PHF12: variants seen among roughly 807,000 people sequenced by gnomAD.
PHF12 encodes the protein PHD finger protein 12, also known as PHD factor 1.
Under a neutral mutation model 99.8 loss-of-function variants are expected in PHF12, and 6 were observed. The ratio of observed to expected loss-of-function variants is 0.06; its 90% CI spans 0.03 to 0.12. PHF12 has a LOEUF of 0.12. PHF12 is among the 10% of genes least tolerant of loss of function. The pLI is 1.00. For synonymous variants in PHF12, 480 were observed against 514.9 expected (o/e 0.93, Z 0.92); for missense variants, 954 against 1,300.1 (o/e 0.73, Z 4.09).
chr17:28,920,090 G>A (rs1207168263), intron 5 of PHF12, among the ~76,000 whole-genome samples: 1 of 152,178 alleles, frequency 6.6e-6, no homozygotes, highest in East Asian at 1.9e-4. Context: ...CTGGAAAGAT[G>A]ATTTTGTAAT....
chr17:28,912,887 G>T lies in PHF12; in HGVS notation c.1684C>A (p.Pro562Thr). Reference sequence around the variant, plus strand: ...GTGTTAGCGCCTGGAAGTCGCCGGGGGTCCGTGGAATCAGTAGGGCTGCTG... The same window carrying T: ...GTGTTAGCGCCTGGAAGTCGCCGGGTGTCCGTGGAATCAGTAGGGCTGCTG... Reference protein sequence around the residue: ...LYSSPTDSTDPRRLPGANTPL... With the variant: ...LYSSPTDSTDTRRLPGANTPL... The change falls in exon 9 of 15, where the codon CCC (proline) becomes ACC (threonine). Residue 562 changes from proline to threonine, a missense_variant. By Grantham distance (38) the Pro-to-Thr change is conservative (BLOSUM62 -1). Coordinates refer to ENST00000332830, the MANE Select transcript of PHF12 (RefSeq NM_001033561.2). 1 of 1,613,082 alleles carries T rather than the reference G, an allele frequency of 6.2e-7. No homozygotes were observed. The highest frequency in any genetic ancestry group is 8.5e-7 in the Non-Finnish European group (1 of 1,179,140).
rs980166773 is a variant in PHF12 at position 28,905,863 on chromosome 17, G to A, written c.*320C>T. The A allele has an allele frequency of 4.7e-5, 12 of 256,322 alleles. No individual in the cohort carries two copies. Among genetic ancestry groups the A allele is most frequent in the Non-Finnish European group, 8.8e-5 (12 of 136,482 alleles). The allele number at this position is 256,322 out of a possible 1,614,324, so 15.9% of individuals were successfully genotyped here. A position where few individuals can be genotyped will look rare whatever the true frequency, so the allele number is the denominator to read the frequency against. ...GGGCGAGGGGGAGGGAGCAGGAGGT[G>A]GGTGGGGAAGGGTTTTGTGTTGGAG... is the stretch of plus-strand genomic sequence containing the variant. On this transcript the variant is annotated 3_prime_UTR_variant, in exon 15 of 15. Transcript: ENST00000332830.
At chr17:28,932,340 G>A (rs1329083597) in intron 2 of PHF12, among the ~76,000 whole-genome samples, 1 of 152,052 alleles carries the variant, frequency 6.6e-6, no homozygotes, top group Non-Finnish European at 1.5e-5. Flanking sequence ...CTATGTTGCC[G>A]AAGGCTGGGT....
In PHF12 at chr17:28,916,840, A is replaced by C. The variant is rs569083297; in HGVS notation, c.1134+445T>G. On this transcript the variant is annotated intron_variant, in intron 7 of 14. Transcript: ENST00000332830. ...ACAGCAGCCTGGAAAAATAGATTCA[A>C]GTTTCCTTTAGATATTTTCCACTTA... 7.9e-5 allele frequency among the ~76,000 whole-genome samples: 12 copies of C among 152,334 alleles called. No homozygotes were observed. In the East Asian group the frequency reaches 2.3e-3, roughly 29 times the overall value.
intron 2 of PHF12, among the ~76,000 whole-genome samples, chr17:28,933,945 G>C (rs1391507705): frequency 6.6e-6 from 1 of 152,094 alleles, no homozygotes; most frequent in East Asian, 1.9e-4. Context: ...TACTTGGGAG[G>C]CTGAGGCAGG....
intron 2 of PHF12, among the ~76,000 whole-genome samples, chr17:28,939,584 G>A (rs757099925): frequency 2.6e-5 from 4 of 152,238 alleles, no homozygotes; most frequent in Non-Finnish European, 4.4e-5. Flanking sequence ...GAGCCTAGGG[G>A]TAGTGGAAAG....
chr17:28,941,416 T>C (rs1482011352), intron 2 of PHF12, among the ~76,000 whole-genome samples: 3 of 152,206 alleles, frequency 2.0e-5, no homozygotes. Flanking sequence ...TTATGAGCCA[T>C]ATAAAACTGT....
In PHF12 at chr17:28,911,045, G is replaced by GA. The variant is rs2039950429; in HGVS notation, c.2215+66dup. 1.9e-6 allele frequency: 3 copies of GA among 1,600,660 alleles called. No homozygotes were observed. In the East Asian group the frequency reaches 6.7e-5, roughly 36 times the overall value. ...CTTCCCTCCCTTTCTGAAATGAGCT[G>GA]AATGCTGTATAGGAATAGCACCTTC... On this transcript the variant is annotated intron_variant, in intron 10 of 14. Coordinates refer to ENST00000332830, the MANE Select transcript of PHF12 (RefSeq NM_001033561.2).
chr17:28,944,653 GA>G (rs539349085), intron 2 of PHF12: 2 of 273,204 alleles, frequency 7.3e-6, no homozygotes, highest in Non-Finnish European at 1.1e-5. Flanking sequence ...TCTCAAAAAA[GA>G]AAAAAAACAA....
intron 3 of PHF12, 31 bp downstream of exon 3, chr17:28,926,960 C>T: frequency 6.2e-7 from 1 of 1,612,616 alleles, no homozygotes; most frequent in Non-Finnish European, 8.5e-7. Context: ...ATCAGGCTTT[C>T]TGGACAGTCT....
intron 2 of PHF12, among the ~76,000 whole-genome samples, chr17:28,942,022 A>AT (rs1336305405): frequency 6.6e-6 from 1 of 152,152 alleles, no homozygotes; most frequent in South Asian, 2.1e-4. Flanking sequence ...CAGATGGTGG[A>AT]TTTTTTGTAC....
Position 28,906,508 on chromosome 17 carries a change from C to A in PHF12, c.2690G>T (p.Arg897Leu). 1.9e-6 allele frequency: 3 copies of A among 1,598,216 alleles called. No individual in the cohort carries two copies. The highest frequency in any genetic ancestry group is 2.6e-6 in the Non-Finnish European group (3 of 1,168,418). ...TGGCTCTTCGTCCTGTTTCTGGTGC[C>A]GGCGGCGCCCTGGGAAAAAGGGGGA... is the stretch of plus-strand genomic sequence containing the variant. ...AKVQSVIRRR[R>L]HQKQDEEPSE... Residue 897 changes from arginine (R) to leucine (L), a missense_variant, in exon 15 of 15, where the codon CGG becomes CTG. Coordinates refer to ENST00000332830, the MANE Select transcript of PHF12 (RefSeq NM_001033561.2). The surrounding 1 kb of genome is among the most constrained non-coding windows in gnomAD (Gnocchi z 4.2).
intron 4 of PHF12, 116 bp downstream of exon 4, chr17:28,923,793 A>T (rs2040214160): frequency 2.3e-6 from 3 of 1,286,044 alleles, no homozygotes; most frequent in Non-Finnish European, 3.2e-6. Flanking sequence ...CAGAACTAGG[A>T]ACAGGAACCC....
At chr17:28,921,490 G>A (rs1038588112) in intron 5 of PHF12, among the ~76,000 whole-genome samples, 198 bp downstream of exon 5, 4 of 152,130 alleles carry the variant, frequency 2.6e-5, no homozygotes, top group African/African-American at 4.8e-5. Context: ...CAGTACTCCT[G>A]TACTGTGATT....
At chr17:28,934,092 A>G (rs576990788) in intron 2 of PHF12, among the ~76,000 whole-genome samples, 3 of 152,290 alleles carry the variant, frequency 2.0e-5, no homozygotes, top group Admixed American at 2.0e-4. Context: ...TCATCCATCC[A>G]CTCAAAAATT....
chr17:28,951,382 G>A lies in PHF12; in HGVS notation c.-422C>T. On this transcript the variant is annotated 5_prime_UTR_variant, in exon 1 of 15. Transcript: ENST00000332830. ...TGGTACGTGAGGTGACTGGGGGGAG[G>A]GTGATGGGGGGTGGTCCCCGGGCTC... 2 of 986,608 alleles carry A rather than the reference G, an allele frequency of 2.0e-6. No individual in the cohort carries two copies. Among genetic ancestry groups the A allele is most frequent in the Non-Finnish European group, 2.4e-6 (2 of 829,686 alleles). The allele number at this position is 986,608 out of a possible 1,614,324, so 61.1% of individuals were successfully genotyped here. A position where few individuals can be genotyped will look rare whatever the true frequency, so the allele number is the denominator to read the frequency against.
rs2039974255 is a variant in PHF12 at position 28,912,339 on chromosome 17, A to G, written c.2089+143T>C. 8 of 1,409,096 alleles carry G rather than the reference A, an allele frequency of 5.7e-6. 1 individual carries two copies. The South Asian group carries it at 1.3e-4, about 24-fold the overall frequency. The allele number at this position is 1,409,096 out of a possible 1,614,324, so 87.3% of individuals were successfully genotyped here. On this transcript the variant is annotated intron_variant, in intron 9 of 14. Coordinates refer to ENST00000332830, the MANE Select transcript of PHF12 (RefSeq NM_001033561.2). The stretch of plus-strand genomic sequence containing the variant: ...CAAGTTAACATGTGCTTCCTCTTCT[A>G]TTACGGAAATGAGAGTAAGACAAAC...
At chr17:28,909,915 T>C (rs1453752967) in intron 11 of PHF12, 1 of 605,180 alleles carries the variant, frequency 1.7e-6, no homozygotes, top group Non-Finnish European at 2.9e-6. Flanking sequence ...ATTCAAATAT[T>C]TGAAAGCAAG....
intron 5 of PHF12, among the ~76,000 whole-genome samples, chr17:28,921,185 CTTGTTT>C (rs2040157113): frequency 6.7e-6 from 1 of 149,748 alleles, no homozygotes; most frequent in Non-Finnish European, 1.5e-5. Context: ...CGCCCGGCCC[CTTGTTT>C]TTGTTTTAAA....
Sources: allele counts gnomAD v4.1 joint callset (sites outside exome capture counted in the v4.1 genomes callset), GRCh38; gene constraint gnomAD v4.1.1; non-coding constraint Gnocchi (gnomAD v3.1); transcripts MANE v1.5; gene names NCBI Gene and HGNC (gene_info 2026-07-23, HGNC 2026-07-21).